Variants in HK1 observed in about 807,000 individuals in gnomAD.
HK1 encodes the protein hexokinase-1.
Under a neutral mutation model 91.6 loss-of-function variants are expected in HK1, and 28 were observed. That is an observed-to-expected ratio of 0.31 (90% CI 0.23 to 0.42). HK1 has a LOEUF of 0.42. Ranked by LOEUF, HK1 falls within the 10% of genes least tolerant of loss-of-function variation. The probability of loss-of-function intolerance (pLI) is 1.00; values close to 1 mark genes in which losing one functional copy is unlikely to be tolerated. For missense variants in HK1, 770 were observed against 1,219.8 expected (o/e 0.63, Z 5.49); for synonymous variants, 430 against 468.1 (o/e 0.92, Z 1.05).
In HK1 at chr10:69,389,293, G is replaced by A. The variant is rs1839787644; in HGVS notation, c.2032G>A (p.Val678Ile). 6.2e-7 allele frequency: 1 copy of A among 1,601,874 alleles called. No homozygotes were observed. ...GCCCACCTGTGAGGTTGGACTCATTGTTGGTGAGTGTCCTGGAAGGTCTCT... is the reference window on the plus strand; with the variant it reads ...GCCCACCTGTGAGGTTGGACTCATTATTGGTGAGTGTCCTGGAAGGTCTCT... ...EEPTCEVGLI[V>I]GTGSNACYME... Residue 678 changes from valine (V) to isoleucine (I), a missense_variant, in exon 14 of 18, where the codon GTT (valine) becomes ATT (isoleucine). Val to Ile is a conservative substitution (Grantham distance 29). Coordinates refer to ENST00000359426, the MANE Select transcript of HK1 (RefSeq NM_000188.3).
chr10:69,318,128 G>A (rs1182881936), upstream of HK1: 2 of 985,448 alleles, frequency 2.0e-6, no homozygotes, highest in Non-Finnish European at 2.4e-6. Flanking sequence ...GGTGACTCGG[G>A]GGCGGGTGCT....
chr10:69,277,766 C>T (rs1279622942), intron 1 of HK1, among the ~76,000 whole-genome samples: 1 of 152,186 alleles, frequency 6.6e-6, no homozygotes, highest in Non-Finnish European at 1.5e-5. Flanking sequence ...AGGCACAGGG[C>T]TCACGCCTGT....
intron 5 of HK1, among the ~76,000 whole-genome samples, chr10:69,308,973 C>A (rs1450068730): frequency 6.6e-6 from 1 of 152,070 alleles, no homozygotes; most frequent in African/African-American, 2.4e-5. Flanking sequence ...GGGGACCCTA[C>A]TTTAGGAAAT....
upstream of HK1, chr10:69,318,786 C>G: frequency 2.2e-6 from 3 of 1,349,040 alleles, no homozygotes; most frequent in Non-Finnish European, 2.9e-6. Flanking sequence ...GCGCGGAGAC[C>G]GGGAGCGCGC....
intron 2 of HK1, among the ~76,000 whole-genome samples, chr10:69,349,397 A>G (rs1454330251): frequency 6.6e-6 from 1 of 152,178 alleles, no homozygotes; most frequent in African/African-American, 2.4e-5. Context: ...ATGGTGCGTC[A>G]TCGTCATCCT....
At chr10:69,365,895 G>A (rs1849674137) in intron 4 of HK1, among the ~76,000 whole-genome samples, 1 of 152,080 alleles carries the variant, frequency 6.6e-6, no homozygotes, top group Non-Finnish European at 1.5e-5. Context: ...GCAATGGCAC[G>A]ATCTCGGCTC....
intron 14 of HK1, among the ~76,000 whole-genome samples, chr10:69,390,567 A>C (rs967624088): frequency 7.9e-5 from 12 of 151,024 alleles, no homozygotes; most frequent in Non-Finnish European, 1.5e-4. Flanking sequence ...GAGAAAACAA[A>C]GAACAAAAAT....
At chr10:69,396,628 C>A (rs1164771306) in intron 16 of HK1, among the ~76,000 whole-genome samples, 1 of 151,854 alleles carries the variant, frequency 6.6e-6, no homozygotes, top group Non-Finnish European at 1.5e-5. Context: ...ATTCACTTAG[C>A]ATAATGTCTT....
intron 1 of HK1, among the ~76,000 whole-genome samples, chr10:69,325,858 A>G (rs35376932): frequency 0.042 from 6,161 of 146,596 alleles, 183 homozygotes; most frequent in African/African-American, 0.084. Context: ...TTTTTGAGAC[A>G]GAGTCTTACT....
upstream of HK1, chr10:69,318,810 G>C: frequency 7.1e-7 from 1 of 1,402,230 alleles, no homozygotes. Context: ...CTGTCGCCGC[G>C]CCCCGGGCCG....
intron 16 of HK1, among the ~76,000 whole-genome samples, chr10:69,395,511 G>C (rs1307383615): frequency 1.3e-5 from 2 of 152,204 alleles, no homozygotes; most frequent in Non-Finnish European, 2.9e-5. Flanking sequence ...CCAGGAGGTG[G>C]AGGTTGCAGT....
intron 2 of HK1, among the ~76,000 whole-genome samples, chr10:69,357,444 G>A (rs546305719): frequency 6.6e-4 from 100 of 152,166 alleles, no homozygotes; most frequent in African/African-American, 2.2e-3. Context: ...GTCATATACC[G>A]TATGATTTCT....
chr10:69,276,118 A>AAAATATATATAT lies in HK1; in HGVS notation c.-391+6011_-391+6012insAATATATATATA. On this transcript the variant is annotated intron_variant, in intron 1 of 21. Coordinates refer to the HK1 transcript ENST00000360289. ...AAAAAAAAAAAAAAAAAAAAAAAAAAATACATATATATATATATATACACA... is the reference window on the plus strand; with the variant it reads ...AAAAAAAAAAAAAAAAAAAAAAAAAAAAATATATATATATACATATATATATATATATACACA... Among the ~76,000 whole-genome samples the AAAATATATATAT allele has an allele frequency of 5.1e-3, 196 of 38,258 alleles. 26 individuals carry two copies. The highest frequency in any genetic ancestry group is 0.01 in the East Asian group (7 of 698). The allele number at this position is 38,258 out of a possible 152,430, so 25.1% of individuals were successfully genotyped here. A position where few individuals can be genotyped will look rare whatever the true frequency, so the allele number is the denominator to read the frequency against.
chr10:69,315,896 G>A, upstream of HK1: 1 of 1,551,684 alleles, frequency 6.4e-7, no homozygotes. Context: ...GGGCAAGATG[G>A]CCCACCTGTG....
chr10:69,276,118 A>AAAAAAAATATATATATATATATAT, intron 1 of HK1, among the ~76,000 whole-genome samples: 6 of 38,260 alleles, frequency 1.6e-4, no homozygotes, highest in Non-Finnish European at 2.5e-4. Context: ...AAAAAAAAAA[A>AAAAAAAATATATATATATATATAT]ATACATATAT....
intron 2 of HK1, among the ~76,000 whole-genome samples, chr10:69,358,387 A>G (rs1849239424): frequency 1.3e-5 from 2 of 152,182 alleles, no homozygotes; most frequent in Admixed American, 1.3e-4. Flanking sequence ...AGTGCTGCAC[A>G]TGTCACTCCC....
chr10:69,387,580 T>C (rs1839699485), intron 13 of HK1, among the ~76,000 whole-genome samples: 1 of 152,104 alleles, frequency 6.6e-6, no homozygotes, highest in South Asian at 2.1e-4. Context: ...GGTGGGGTCT[T>C]GCTATGTTAC....
chr10:69,367,255 C>G (rs776665105), intron 4 of HK1, among the ~76,000 whole-genome samples: 3 of 152,184 alleles, frequency 2.0e-5, no homozygotes, highest in Non-Finnish European at 4.4e-5. Flanking sequence ...TGCTGTGGCG[C>G]CAGTGGAGCA....
intron 16 of HK1, among the ~76,000 whole-genome samples, chr10:69,397,171 A>G (rs1423212853): frequency 6.6e-6 from 1 of 152,138 alleles, no homozygotes; most frequent in Non-Finnish European, 1.5e-5. Flanking sequence ...ACGCACCCCA[A>G]GTGGACTTGC....
Sources: allele counts gnomAD v4.1 joint callset (sites outside exome capture counted in the v4.1 genomes callset), GRCh38; gene constraint gnomAD v4.1.1; transcripts MANE v1.5; gene names NCBI Gene and HGNC (gene_info 2026-07-23, HGNC 2026-07-21).